The following GALNT13 variants were observed in gnomAD, a reference collection of about 807,000 sequenced individuals.
The protein encoded by GALNT13 is polypeptide N-acetylgalactosaminyltransferase 13.
A neutral mutation model predicts 64.2 loss-of-function variants in GALNT13; 28 were observed. That is an observed-to-expected ratio of 0.44 (90% CI 0.32 to 0.60). The LOEUF is 0.60. Among genes scored for constraint, GALNT13 ranks in the 20% least tolerant of loss-of-function variants. The pLI is 0.05. For missense variants in GALNT13, 577 were observed against 669.8 expected (o/e 0.86, Z 1.53); for synonymous variants, 214 against 224.6 (o/e 0.95, Z 0.42).
the GALNT13 span, among the ~76,000 whole-genome samples, chr2:153,377,845 TAAAG>T: frequency 4.6e-5 from 7 of 152,196 alleles, no homozygotes; most frequent in South Asian, 2.1e-4. Flanking sequence ...AGATTAACAA[TAAAG>T]AGAGTTCGAG....
At chr2:153,817,197 A>T in the GALNT13 span, among the ~76,000 whole-genome samples, 1 of 152,278 alleles carries the variant, frequency 6.6e-6, no homozygotes, top group East Asian at 1.9e-4. Context: ...TTTTCATGGG[A>T]TGTTCATCAG....
intron 10 of GALNT13, among the ~76,000 whole-genome samples, chr2:154,401,090 G>A (rs549851488): frequency 4.7e-4 from 71 of 152,204 alleles, no homozygotes; most frequent in African/African-American, 1.7e-3. Context: ...TTTGTATTGT[G>A]TACTTAACCT....
chr2:153,074,837 C>T, the GALNT13 span, among the ~76,000 whole-genome samples: 3 of 152,124 alleles, frequency 2.0e-5, no homozygotes, highest in South Asian at 2.1e-4. Flanking sequence ...TAGGCTCCAG[C>T]GATCCTATCA....
At chr2:153,325,611 C>T in the GALNT13 span, among the ~76,000 whole-genome samples, 1 of 152,162 alleles carries the variant, frequency 6.6e-6, no homozygotes, top group Non-Finnish European at 1.5e-5. Context: ...TTAGCTCTTT[C>T]CCACTTTCTC....
chr2:153,479,801 C>CGT, the GALNT13 span, among the ~76,000 whole-genome samples: 1 of 152,136 alleles, frequency 6.6e-6, no homozygotes, highest in Non-Finnish European at 1.5e-5. Context: ...GACGCTTCAG[C>CGT]CATTGTGATT....
chr2:153,444,424 A>C, the GALNT13 span, among the ~76,000 whole-genome samples: 1 of 152,234 alleles, frequency 6.6e-6, no homozygotes, highest in East Asian at 1.9e-4. Context: ...TATTTTGACT[A>C]TCATGATTGA....
At chr2:153,682,966 A>G in the GALNT13 span, among the ~76,000 whole-genome samples, 3 of 151,762 alleles carry the variant, frequency 2.0e-5, no homozygotes, top group Admixed American at 2.0e-4. Context: ...TTGTTTCTAA[A>G]TGTAGAGATC....
chr2:153,440,823 A>T, the GALNT13 span, among the ~76,000 whole-genome samples: 12 of 151,818 alleles, frequency 7.9e-5, no homozygotes, highest in Admixed American at 7.9e-4. Flanking sequence ...TTTGAATTTA[A>T]GTTTTTTGTA....
intron 9 of GALNT13, among the ~76,000 whole-genome samples, chr2:154,394,033 G>C (rs920992235): frequency 2.5e-4 from 29 of 116,730 alleles, no homozygotes; most frequent in East Asian, 1.4e-3. Context: ...AGCCGAGATT[G>C]CGCCACTGCA....
the GALNT13 span, among the ~76,000 whole-genome samples, chr2:153,098,796 G>A: frequency 6.6e-6 from 1 of 152,078 alleles, no homozygotes; most frequent in Non-Finnish European, 1.5e-5. Flanking sequence ...GAATTCCTAA[G>A]CCAAAGAGTC....
intron 3 of GALNT13, among the ~76,000 whole-genome samples, chr2:154,115,976 G>T (rs1208038409): frequency 6.6e-6 from 1 of 152,148 alleles, no homozygotes; most frequent in African/African-American, 2.4e-5. Context: ...AGCCCGCTGG[G>T]ACTCTATTCT....
chr2:153,430,514 G>A, the GALNT13 span, among the ~76,000 whole-genome samples: 1 of 127,576 alleles, frequency 7.8e-6, no homozygotes, highest in Non-Finnish European at 1.7e-5. Flanking sequence ...GGTATTAATA[G>A]ATAGGTAGGT....
chr2:154,454,291 C>T (rs898598415), downstream of GALNT13, among the ~76,000 whole-genome samples: 1 of 151,912 alleles, frequency 6.6e-6, no homozygotes, highest in Admixed American at 6.6e-5. Flanking sequence ...TGCCTGGACC[C>T]CTTATTGTTA....
the GALNT13 span, among the ~76,000 whole-genome samples, chr2:153,372,956 T>C: frequency 1.3e-5 from 2 of 152,336 alleles, no homozygotes; most frequent in East Asian, 3.9e-4. Context: ...TTGTTTTCTA[T>C]TGACATCCAT....
At chr2:154,308,019 T>G (rs373254082) in intron 9 of GALNT13, among the ~76,000 whole-genome samples, 1 of 152,276 alleles carries the variant, frequency 6.6e-6, no homozygotes, top group East Asian at 1.9e-4. Flanking sequence ...GGCATGGTGA[T>G]TAGAAGCAGC....
chr2:153,573,140 T>C, the GALNT13 span, among the ~76,000 whole-genome samples: 1 of 152,024 alleles, frequency 6.6e-6, no homozygotes, highest in Non-Finnish European at 1.5e-5. Context: ...GGTGCATATA[T>C]ATTTAAGATT....
chr2:154,446,098 A>G lies in GALNT13; in HGVS notation c.1531-4313A>G, dbSNP rs74334431. ...TAAGTGGGAGCAATTTGAGTACCAT[A>G]CTGTTCAAAGTAAAGCCTTAAAGCT... On this transcript the variant is annotated intron_variant, in intron 12 of 12. Coordinates refer to ENST00000392825, the MANE Select transcript of GALNT13 (RefSeq NM_052917.4). Among the ~76,000 whole-genome samples the G allele has an allele frequency of 3.3e-3, 500 of 152,162 alleles. 3 individuals carry two copies. Among genetic ancestry groups the G allele is most frequent in the African/African-American group, 0.012 (485 of 41,546 alleles).
chr2:153,751,476 T>C, the GALNT13 span, among the ~76,000 whole-genome samples: 1 of 151,916 alleles, frequency 6.6e-6, no homozygotes, highest in Non-Finnish European at 1.5e-5. Context: ...TCTCTTTAGT[T>C]CTAGTAATAT....
chr2:153,446,415 A>G, the GALNT13 span, among the ~76,000 whole-genome samples: 16 of 152,318 alleles, frequency 1.1e-4, no homozygotes, highest in South Asian at 3.1e-3. Flanking sequence ...AGAACTAGCC[A>G]TCTTTATTTT....
Sources: allele counts gnomAD v4.1 joint callset (sites outside exome capture counted in the v4.1 genomes callset), GRCh38; gene constraint gnomAD v4.1.1; transcripts MANE v1.5; gene names NCBI Gene and HGNC (gene_info 2026-07-23, HGNC 2026-07-21).